The following AFF3 variants were observed in gnomAD, a reference collection of about 807,000 sequenced individuals.
AFF3 encodes AF4/FMR2 family member 3.
AFF3 carries 32 observed loss-of-function variants against 129.7 expected under a neutral mutation model. The ratio of observed to expected loss-of-function variants is 0.25; its 90% CI spans 0.19 to 0.33. The LOEUF (loss-of-function observed/expected upper bound fraction) is 0.33, where lower values mean the gene tolerates loss of function less well. AFF3 is among the 10% of genes least tolerant of loss of function. The pLI is 1.00. For missense variants in AFF3, 1,373 were observed against 1,592.0 expected, an observed-to-expected ratio of 0.86 and a Z score of 2.34; for synonymous variants, 644 against 635.4, an observed-to-expected ratio of 1.01 and a Z score of -0.20.
intron 7 of AFF3, among the ~76,000 whole-genome samples, chr2:99,838,805 G>C (rs1437738017): frequency 6.6e-6 from 1 of 152,172 alleles, no homozygotes; most frequent in African/African-American, 2.4e-5. Flanking sequence ...ATCAGAATCA[G>C]CACTAGGACT....
chr2:99,627,595 A>G (rs899968755), intron 13 of AFF3, among the ~76,000 whole-genome samples: 1 of 152,022 alleles, frequency 6.6e-6, no homozygotes, highest in Non-Finnish European at 1.5e-5. Context: ...CCATGTGTCA[A>G]TTTTTGCTTT....
intron 2 of AFF3, chr2:100,106,778 C>G (rs1691322793): frequency 6.1e-6 from 6 of 985,536 alleles, no homozygotes; most frequent in Non-Finnish European, 4.8e-6. Flanking sequence ...CAAACATAAC[C>G]GTGTTTACTG....
chr2:99,565,693 T>G, intron 19 of AFF3, 70 bp from the exon 20 acceptor site: 1 of 1,531,832 alleles, frequency 6.5e-7, no homozygotes, highest in Non-Finnish European at 8.9e-7. Context: ...TCATGTAGTT[T>G]ATACACCTTA....
At chr2:99,850,488 T>C (rs1690065585) in intron 7 of AFF3, among the ~76,000 whole-genome samples, 1 of 152,232 alleles carries the variant, frequency 6.6e-6, no homozygotes, top group Non-Finnish European at 1.5e-5. Context: ...ACACGGGAGT[T>C]TGAACTAATG....
rs117543257 is a variant in AFF3, at chr2:100,132,812, C to A, written c.-227-3506G>T. On this transcript the variant is annotated intron_variant, in intron 1 of 24. Coordinates refer to ENST00000672756, the MANE Select transcript of AFF3 (RefSeq NM_001386135.1). ...ACACATTGAAATGATAATATTTTTT[C>A]TTGTTTTGGATTAAGTAAAATATAT... Among the ~76,000 whole-genome samples, 31 of 151,876 alleles carry A rather than the reference C, an allele frequency of 2.0e-4. 1 individual carries two copies. In the East Asian group the frequency reaches 6.0e-3, roughly 29 times the overall value.
intron 10 of AFF3, among the ~76,000 whole-genome samples, chr2:99,737,589 G>A (rs1021942359): frequency 2.6e-5 from 4 of 151,302 alleles, no homozygotes; most frequent in African/African-American, 9.7e-5. Context: ...ATATTAAAGG[G>A]TATTTTAATT....
At chr2:100,074,962 T>G (rs1247991744) in intron 4 of AFF3, among the ~76,000 whole-genome samples, 1 of 152,204 alleles carries the variant, frequency 6.6e-6, no homozygotes, top group South Asian at 2.1e-4. Flanking sequence ...CTAATTTAAA[T>G]GTTAAAAGGA....
At chr2:99,629,436 G>A (rs1400893326) in intron 13 of AFF3, among the ~76,000 whole-genome samples, 1 of 152,110 alleles carries the variant, frequency 6.6e-6, no homozygotes, top group Non-Finnish European at 1.5e-5. Context: ...AAAATACCTA[G>A]GAATATAGCT....
intron 11 of AFF3, among the ~76,000 whole-genome samples, chr2:99,706,136 T>C (rs1470131627): frequency 6.6e-6 from 1 of 152,144 alleles, no homozygotes; most frequent in Non-Finnish European, 1.5e-5. Flanking sequence ...GTTACGATGT[T>C]CAACCATGTA....
At chr2:100,132,600 A>G (rs1308859367) in intron 1 of AFF3, among the ~76,000 whole-genome samples, 1 of 152,214 alleles carries the variant, frequency 6.6e-6, no homozygotes, top group Non-Finnish European at 1.5e-5. Flanking sequence ...GCTTTAGTTG[A>G]AAATTAAGTG....
At chr2:99,580,607 C>T (rs755048641) in intron 17 of AFF3, among the ~76,000 whole-genome samples, 1 of 152,128 alleles carries the variant, frequency 6.6e-6, no homozygotes, top group African/African-American at 2.4e-5. Context: ...AAACCTGCTT[C>T]GCAGAGGCCG....
At chr2:100,046,538 C>T (rs1685850937) in intron 4 of AFF3, among the ~76,000 whole-genome samples, 1 of 152,212 alleles carries the variant, frequency 6.6e-6, no homozygotes, top group African/African-American at 2.4e-5. Flanking sequence ...AGTTCCCTCA[C>T]TTCATCTCCT....
At position 99,969,463 on chromosome 2, in the gene AFF3, A is replaced by C. The variant is rs146480617; in HGVS notation, c.873+37169T>G. Among the ~76,000 whole-genome samples the C allele has an allele frequency of 4.9e-3, 734 of 151,128 alleles. 4 individuals carry two copies. The highest frequency in any genetic ancestry group is 0.017 in the African/African-American group (702 of 40,862). ...TATCTACCAGATCATTTAGACACAA[A>C]TTTTATTTTATTTTCATTTATTTAT... On this transcript the variant is annotated intron_variant, in intron 7 of 24. Transcript: ENST00000672756.
At chr2:100,047,937 C>A (rs1266720933) in intron 4 of AFF3, among the ~76,000 whole-genome samples, 2 of 152,188 alleles carry the variant, frequency 1.3e-5, no homozygotes, top group Non-Finnish European at 2.9e-5. Context: ...AATATTTTAT[C>A]ATGTCCTGGA....
At chr2:99,835,138 T>C (rs898025626) in intron 8 of AFF3, among the ~76,000 whole-genome samples, 6 of 152,142 alleles carry the variant, frequency 3.9e-5, no homozygotes, top group Admixed American at 3.9e-4. Flanking sequence ...ACTCCTGCAA[T>C]AGCCTCCCAC....
chr2:99,559,434 C>A (rs940443193), intron 21 of AFF3, among the ~76,000 whole-genome samples: 3 of 152,308 alleles, frequency 2.0e-5, no homozygotes, highest in East Asian at 3.9e-4. Flanking sequence ...ACAACAAAAA[C>A]ACTATGCTGG....
intron 11 of AFF3, among the ~76,000 whole-genome samples, chr2:99,709,466 T>C (rs967647110): frequency 2.0e-5 from 3 of 152,086 alleles, no homozygotes; most frequent in African/African-American, 7.2e-5. Flanking sequence ...AAACTATCAA[T>C]AGAAAGATAA....
At chr2:99,747,850 T>G (rs564673592) in intron 9 of AFF3, among the ~76,000 whole-genome samples, 1 of 152,268 alleles carries the variant, frequency 6.6e-6, no homozygotes, top group African/African-American at 2.4e-5. Flanking sequence ...AAACAACAAC[T>G]GCTAGTGCCA....
At chr2:100,023,205 A>C (rs1683742353) in intron 4 of AFF3, among the ~76,000 whole-genome samples, 1 of 152,126 alleles carries the variant, frequency 6.6e-6, no homozygotes, top group Non-Finnish European at 1.5e-5. Context: ...CCCTCCCTTC[A>C]CTGAGCCAGT....
Sources: allele counts gnomAD v4.1 joint callset (sites outside exome capture counted in the v4.1 genomes callset), GRCh38; gene constraint gnomAD v4.1.1; transcripts MANE v1.5; gene names NCBI Gene and HGNC (gene_info 2026-07-23, HGNC 2026-07-21).